The following EGFL6 variants were observed in gnomAD, a reference collection of about 807,000 sequenced individuals.
EGFL6 encodes the protein EGF like domain multiple 6.
Under a neutral mutation model 43.1 loss-of-function variants are expected in EGFL6, and 42 were observed. The ratio of observed to expected loss-of-function variants is 0.98; its 90% CI spans 0.76 to 1.26. The LOEUF (loss-of-function observed/expected upper bound fraction) is 1.26. EGFL6 is among the 50% of genes most tolerant of loss of function. The pLI is 0.00. For synonymous variants in EGFL6, 164 were observed against 163.2 expected (o/e 1.01, Z -0.04); for missense variants, 429 against 427.8 (o/e 1.00, Z -0.02).
chrX:13,574,080 G>A (rs752052042), intron 1 of EGFL6, among the ~76,000 whole-genome samples: 17 of 112,140 alleles, frequency 1.5e-4, no homozygotes, highest in South Asian at 1.1e-3. Context: ...AAGAAGTGTC[G>A]TAAAAATAAG....
At chrX:13,573,513 G>A in intron 1 of EGFL6, among the ~76,000 whole-genome samples, 1 of 112,115 alleles carries the variant, frequency 8.9e-6, no homozygotes, top group African/African-American at 3.2e-5. Flanking sequence ...CTATTTATAT[G>A]TAATTCATGA....
At chrX:13,614,936 C>T (rs772456379) in intron 7 of EGFL6, among the ~76,000 whole-genome samples, 10 of 111,001 alleles carry the variant, frequency 9.0e-5, no homozygotes, top group African/African-American at 2.0e-4. Flanking sequence ...TTAGTAGAGA[C>T]GGTGTTTCAC....
chrX:13,605,051 T>C (rs1435488662), intron 5 of EGFL6, among the ~76,000 whole-genome samples: 1 of 111,387 alleles, frequency 9.0e-6, no homozygotes, highest in East Asian at 2.8e-4. Context: ...TTACTACTTT[T>C]TAGTATAATA....
chrX:13,578,507 T>C (rs2045486671), intron 1 of EGFL6, among the ~76,000 whole-genome samples: 1 of 107,182 alleles, frequency 9.3e-6, no homozygotes, highest in Admixed American at 1.0e-4. Context: ...CTATTCACAA[T>C]AGCAAAGACT....
chrX:13,620,631 CT>C (rs2045744027), intron 9 of EGFL6, among the ~76,000 whole-genome samples: 1 of 111,456 alleles, frequency 9.0e-6, no homozygotes, highest in South Asian at 3.8e-4. Flanking sequence ...ATTTTGTTTT[CT>C]TCCATATTTC....
chrX:13,616,610 CAA>C (rs748286483), intron 7 of EGFL6, among the ~76,000 whole-genome samples: 5 of 84,198 alleles, frequency 5.9e-5, no homozygotes. Flanking sequence ...AACTCTGTCT[CAA>C]AAAAAAAAAA....
At chrX:13,603,230 C>T (rs1242627447) in intron 4 of EGFL6, 87 bp from the exon 5 acceptor site, 3 of 1,026,370 alleles carry the variant, frequency 2.9e-6, no homozygotes, top group Non-Finnish European at 3.9e-6. Context: ...GTGTTCCATT[C>T]AATGGCTCAG....
intron 3 of EGFL6, chrX:13,596,530 A>G (rs2045598355): frequency 8.9e-6 from 1 of 112,073 alleles, no homozygotes; most frequent in Non-Finnish European, 1.9e-5. Flanking sequence ...TGACATTCAA[A>G]TTTATCTGAG....
chrX:13,617,196 G>GA (rs1385283435), intron 7 of EGFL6, among the ~76,000 whole-genome samples: 1 of 112,171 alleles, frequency 8.9e-6, no homozygotes, highest in East Asian at 2.7e-4. Context: ...TGACTGAGGT[G>GA]AAAAAATTCA....
intron 7 of EGFL6, among the ~76,000 whole-genome samples, chrX:13,612,166 C>T (rs1044382563): frequency 1.8e-4 from 20 of 110,940 alleles, no homozygotes; most frequent in African/African-American, 6.2e-4. Context: ...ACAAAGGTCT[C>T]TGGTTTTCCT....
intron 4 of EGFL6, among the ~76,000 whole-genome samples, chrX:13,600,796 AAAG>A (rs869209343): frequency 1.2e-4 from 13 of 105,029 alleles, no homozygotes; most frequent in African/African-American, 4.9e-4. Flanking sequence ...GTAATCTCAG[AAAG>A]AAAAAAAAAA....
intron 11 of EGFL6, among the ~76,000 whole-genome samples, chrX:13,630,663 G>C (rs1408286225): frequency 8.9e-6 from 1 of 112,387 alleles, no homozygotes; most frequent in Non-Finnish European, 1.9e-5. Flanking sequence ...CTCAGATTGA[G>C]AGCAAAAGAG....
At chrX:13,622,276 G>A (rs1245105435) in intron 9 of EGFL6, among the ~76,000 whole-genome samples, 1 of 112,240 alleles carries the variant, frequency 8.9e-6, no homozygotes, top group Non-Finnish European at 1.9e-5. Flanking sequence ...GGAAGGTCCT[G>A]GATTGCAGTC....
At position 13,619,381 on chromosome X, in the gene EGFL6, C is replaced by T. The variant is rs2045737649; in HGVS notation, c.1183+138C>T. Reference sequence around the variant, plus strand: ...AAGGGAAAAATCATTACATCACACACACAGTGCCAGTATTAAAATAGTAGG... The same window carrying T: ...AAGGGAAAAATCATTACATCACACATACAGTGCCAGTATTAAAATAGTAGG... On this transcript the variant is annotated intron_variant, in intron 9 of 11. Transcript: ENST00000361306. 2.1e-5 allele frequency: 11 copies of T among 512,429 alleles called. No homozygotes were observed. In the South Asian group the frequency reaches 3.3e-4, roughly 15 times the overall value. 42.2% of individuals were successfully genotyped at this position (512,429 alleles called of 1,213,427 possible).
intron 3 of EGFL6, among the ~76,000 whole-genome samples, chrX:13,595,722 CTT>C (rs751094085): frequency 5.0e-5 from 5 of 100,304 alleles, no homozygotes; most frequent in African/African-American, 7.3e-5. Context: ...ACTTCATATA[CTT>C]TTTTTTTTTT....
At chrX:13,606,993 T>C (rs2045664204) in intron 6 of EGFL6, among the ~76,000 whole-genome samples, 1 of 112,233 alleles carries the variant, frequency 8.9e-6, no homozygotes, top group African/African-American at 3.2e-5. Flanking sequence ...CTATGCTCTT[T>C]ACTTTCCCCT....
chrX:13,593,401 A>G (rs2045577104), intron 2 of EGFL6, among the ~76,000 whole-genome samples: 2 of 112,025 alleles, frequency 1.8e-5, no homozygotes, highest in Admixed American at 9.5e-5. Context: ...TTGTACAAAT[A>G]TTCCATTGAA....
intron 1 of EGFL6, among the ~76,000 whole-genome samples, chrX:13,589,276 T>TG (rs1483971628): frequency 8.9e-6 from 1 of 111,746 alleles, no homozygotes; most frequent in Non-Finnish European, 1.9e-5. Flanking sequence ...ATCTGAAAAG[T>TG]GACACTCTAC....
At chrX:13,621,480 C>T (rs753915734) in intron 9 of EGFL6, among the ~76,000 whole-genome samples, 20 of 112,226 alleles carry the variant, frequency 1.8e-4, no homozygotes, top group African/African-American at 5.8e-4. Flanking sequence ...AACTTGATCT[C>T]AATCCCACTT....
Sources: allele counts gnomAD v4.1 joint callset (sites outside exome capture counted in the v4.1 genomes callset), GRCh38; gene constraint gnomAD v4.1.1; transcripts MANE v1.5; gene names NCBI Gene and HGNC (gene_info 2026-07-23, HGNC 2026-07-21).